CFAP299: variants seen among roughly 807,000 people sequenced by gnomAD.
CFAP299 encodes the protein cilia- and flagella-associated protein 299.
A neutral mutation model predicts 27.0 loss-of-function variants in CFAP299; 21 were observed. The observed-to-expected ratio is 0.78, with a 90% CI of 0.55 to 1.12. The LOEUF is 1.12. Among genes scored for constraint, CFAP299 ranks in the 50% most tolerant of loss-of-function variants. CFAP299 has a pLI of 0.00. For synonymous variants in CFAP299, 104 were observed against 98.1 expected, an observed-to-expected ratio of 1.06 and a Z score of -0.36; for missense variants, 310 against 276.6, an observed-to-expected ratio of 1.12 and a Z score of -0.86.
At chr4:80,747,055 G>A (rs1166864492) in intron 3 of CFAP299, among the ~76,000 whole-genome samples, 1 of 151,974 alleles carries the variant, frequency 6.6e-6, no homozygotes, top group Non-Finnish European at 1.5e-5. Context: ...GGAGCCTAAA[G>A]GAAATGCAGT....
At chr4:80,418,605 C>G (rs540252640) in intron 2 of CFAP299, among the ~76,000 whole-genome samples, 63 of 152,286 alleles carry the variant, frequency 4.1e-4, no homozygotes, top group Admixed American at 7.2e-4. Context: ...TTCCTCCTAT[C>G]TGAGGCTTCG....
chr4:80,404,197 G>T (rs949045737), intron 2 of CFAP299, among the ~76,000 whole-genome samples: 4 of 151,862 alleles, frequency 2.6e-5, no homozygotes, highest in African/African-American at 9.7e-5. Flanking sequence ...TATAGCAATT[G>T]TAGCAATCTA....
intron 3 of CFAP299, among the ~76,000 whole-genome samples, chr4:80,781,923 G>A (rs528520362): frequency 1.1e-4 from 17 of 152,058 alleles, no homozygotes; most frequent in Admixed American, 2.6e-4. Context: ...ACTTACAGCT[G>A]TGCAATTCCA....
At chr4:80,713,763 A>G (rs537716423) in intron 3 of CFAP299, among the ~76,000 whole-genome samples, 116 of 152,336 alleles carry the variant, frequency 7.6e-4, no homozygotes, top group African/African-American at 2.6e-3. Context: ...AACCAAGCTT[A>G]TTTAATTTGT....
chr4:80,785,148 T>A (rs1318645962), intron 3 of CFAP299, among the ~76,000 whole-genome samples: 2 of 151,968 alleles, frequency 1.3e-5, no homozygotes, highest in African/African-American at 2.4e-5. Flanking sequence ...ATGTTTTTTT[T>A]TTTTTTAGGA....
At chr4:80,801,679 T>A (rs1728613762) in intron 3 of CFAP299, among the ~76,000 whole-genome samples, 1 of 152,040 alleles carries the variant, frequency 6.6e-6, no homozygotes, top group African/African-American at 2.4e-5. Flanking sequence ...TGTTTGCAGA[T>A]CCTCCTCAAA....
At chr4:80,854,732 TG>T (rs1251777436) in intron 3 of CFAP299, among the ~76,000 whole-genome samples, 50 of 140,428 alleles carry the variant, frequency 3.6e-4, no homozygotes, top group African/African-American at 1.3e-3. Flanking sequence ...ATTGGGAGCG[TG>T]GGCGTTTATG....
At chr4:80,437,881 C>T (rs931825423) in intron 2 of CFAP299, among the ~76,000 whole-genome samples, 19 of 152,212 alleles carry the variant, frequency 1.2e-4, no homozygotes, top group African/African-American at 4.1e-4. Flanking sequence ...TTGTTGTTGT[C>T]CTTTTTTTGG....
At chr4:80,597,709 A>G (rs890881558) in intron 3 of CFAP299, among the ~76,000 whole-genome samples, 1 of 151,750 alleles carries the variant, frequency 6.6e-6, no homozygotes, top group African/African-American at 2.4e-5. Context: ...TTTTTTAAAG[A>G]TGGAGTATTG....
intron 2 of CFAP299, among the ~76,000 whole-genome samples, chr4:80,574,885 A>G (rs771512326): frequency 2.0e-5 from 3 of 152,110 alleles, no homozygotes; most frequent in African/African-American, 4.8e-5. Context: ...GGATTTTTGC[A>G]TCAATGTTCA....
At chr4:80,726,269 T>C (rs1489574889) in intron 3 of CFAP299, among the ~76,000 whole-genome samples, 1 of 152,172 alleles carries the variant, frequency 6.6e-6, no homozygotes, top group South Asian at 2.1e-4. Flanking sequence ...TATGACACAA[T>C]TAGAATGATA....
intron 3 of CFAP299, among the ~76,000 whole-genome samples, chr4:80,857,237 T>A (rs1451536724): frequency 2.0e-5 from 3 of 152,246 alleles, no homozygotes; most frequent in Admixed American, 2.0e-4. Context: ...ATGCTTGTGA[T>A]TTTTGTACAT....
chr4:80,629,535 A>G (rs975895595), intron 3 of CFAP299, among the ~76,000 whole-genome samples: 1 of 152,112 alleles, frequency 6.6e-6, no homozygotes, highest in Non-Finnish European at 1.5e-5. Flanking sequence ...CTGTATATAT[A>G]TTTCAAATAC....
At chr4:80,633,170 C>T (rs955787968) in intron 3 of CFAP299, among the ~76,000 whole-genome samples, 12 of 152,086 alleles carry the variant, frequency 7.9e-5, no homozygotes, top group African/African-American at 1.7e-4. Flanking sequence ...GAAAGTGGGC[C>T]GGGTGTGGTG....
chr4:80,730,244 C>CTG (rs1407726840), intron 3 of CFAP299, among the ~76,000 whole-genome samples: 3 of 132,154 alleles, frequency 2.3e-5, no homozygotes, highest in Non-Finnish European at 3.2e-5. Context: ...CTCTCTCTCT[C>CTG]TCTCTGTGTG....
At chr4:80,564,214 C>G (rs944700519) in intron 2 of CFAP299, among the ~76,000 whole-genome samples, 2 of 151,232 alleles carry the variant, frequency 1.3e-5, no homozygotes, top group African/African-American at 4.8e-5. Flanking sequence ...CAAAATGAGA[C>G]AAGACACATC....
rs180720072 is a variant in CFAP299, at chr4:80,619,666, G to C, written c.333+36483G>C. Among the ~76,000 whole-genome samples the C allele has an allele frequency of 5.1e-3, 770 of 152,156 alleles. 5 individuals are homozygous for C. The highest frequency in any genetic ancestry group is 0.02 in the Middle Eastern group (6 of 294). ...CATCTCCAAACACAGTGCAGTCAAT[G>C]ACTAGGTATTTACTAAGCAGTTACA... On this transcript the variant is annotated intron_variant, in intron 3 of 5. Transcript: ENST00000358105.
At chr4:80,888,273 G>C (rs549275615) in intron 4 of CFAP299, among the ~76,000 whole-genome samples, 1 of 151,996 alleles carries the variant, frequency 6.6e-6, no homozygotes, top group Admixed American at 6.6e-5. Context: ...CAGATAGACT[G>C]AAAATAAAGG....
At chr4:80,736,920 C>T (rs1305080620) in intron 3 of CFAP299, among the ~76,000 whole-genome samples, 2 of 152,034 alleles carry the variant, frequency 1.3e-5, no homozygotes, top group Non-Finnish European at 2.9e-5. Flanking sequence ...ACCCAAATGT[C>T]CAACAATGAT....
Sources: allele counts gnomAD v4.1 joint callset (sites outside exome capture counted in the v4.1 genomes callset), GRCh38; gene constraint gnomAD v4.1.1; transcripts MANE v1.5; gene names NCBI Gene and HGNC (gene_info 2026-07-23, HGNC 2026-07-21).